The following CDK19 variants were observed in gnomAD, a reference collection of about 807,000 sequenced individuals.
CDK19 encodes the protein cyclin-dependent kinase 19.
Under a neutral mutation model 68.3 loss-of-function variants are expected in CDK19, and 20 were observed. The ratio of observed to expected loss-of-function variants is 0.29; its 90% CI spans 0.21 to 0.43. The LOEUF is 0.43. Ranked by LOEUF, CDK19 falls within the 20% of genes least tolerant of loss-of-function variation. The pLI is 1.00. For synonymous variants in CDK19, 221 were observed against 222.8 expected, an observed-to-expected ratio of 0.99 and a Z score of 0.07; for missense variants, 339 against 623.5, an observed-to-expected ratio of 0.54 and a Z score of 4.86.
chr6:110,615,052 G>A (rs12664582), intron 12 of CDK19, among the ~76,000 whole-genome samples: 16,342 of 152,186 alleles, frequency 0.11, 1,155 homozygotes, highest in East Asian at 0.31. Flanking sequence ...TATTCATAAT[G>A]TATACTGACA....
intron 1 of CDK19, among the ~76,000 whole-genome samples, chr6:110,759,557 C>T (rs987494250): frequency 1.0e-4 from 15 of 149,754 alleles, no homozygotes; most frequent in Non-Finnish European, 1.6e-4. Context: ...GAGCTATGAT[C>T]GCACCATTGC....
chr6:110,626,883 T>G (rs567320760), intron 7 of CDK19, 38 bp from the exon 8 acceptor site: 2 of 1,402,614 alleles, frequency 1.4e-6, no homozygotes, highest in Non-Finnish European at 2.0e-6. Context: ...GAAAATAATG[T>G]GTTAATTTAA....
intron 2 of CDK19, among the ~76,000 whole-genome samples, chr6:110,675,581 C>T (rs1771444675): frequency 1.4e-5 from 2 of 138,668 alleles, no homozygotes; most frequent in South Asian, 4.6e-4. Context: ...GAGCCAAGAT[C>T]GTGCCATTGC....
At chr6:110,694,740 C>G (rs534828295) in intron 2 of CDK19, among the ~76,000 whole-genome samples, 1 of 152,278 alleles carries the variant, frequency 6.6e-6, no homozygotes, top group South Asian at 2.1e-4. Flanking sequence ...CAAGACAGAC[C>G]ATATGATAGG....
chr6:110,621,506 C>A lies in CDK19; in HGVS notation c.1111-136G>T. ...TGGGACACTAGAGTGATGGGGAGGA[C>A]TGGAGAATGGAGCAGCCAGGGAACA... On this transcript the variant is annotated intron_variant, in intron 11 of 12. Transcript: ENST00000368911. This position sits in a 1 kb window ranked among gnomAD's most constrained non-coding sequence, Gnocchi z 5.4. The A allele has an allele frequency of 1.2e-6, 1 of 849,870 alleles. No homozygotes were observed. Among genetic ancestry groups the A allele is most frequent in the South Asian group, 1.9e-5 (1 of 53,344 alleles). The allele number at this position is 849,870 out of a possible 1,614,324, so 52.6% of individuals were successfully genotyped here. A position where few individuals can be genotyped will look rare whatever the true frequency, so the allele number is the denominator to read the frequency against.
intron 1 of CDK19, among the ~76,000 whole-genome samples, chr6:110,790,153 T>G (rs1007556237): frequency 6.6e-6 from 1 of 152,238 alleles, no homozygotes; most frequent in Non-Finnish European, 1.5e-5. Context: ...TTGAACCAGA[T>G]AAGATTCCAC....
chr6:110,751,732 G>A (rs1404781527), intron 1 of CDK19, among the ~76,000 whole-genome samples: 1 of 151,818 alleles, frequency 6.6e-6, no homozygotes, highest in Non-Finnish European at 1.5e-5. Flanking sequence ...AACCTTATGA[G>A]TCAAATTCAA....
chr6:110,797,804 G>A (rs547087103), intron 1 of CDK19, among the ~76,000 whole-genome samples: 4 of 152,196 alleles, frequency 2.6e-5, no homozygotes, highest in African/African-American at 9.6e-5. Context: ...GGCCAACATG[G>A]TGAAACCCCA....
intron 1 of CDK19, among the ~76,000 whole-genome samples, chr6:110,787,909 G>A (rs9481109): frequency 0.04 from 5,962 of 150,300 alleles, 136 homozygotes; most frequent in Middle Eastern, 0.083. Context: ...GCGTGATTTC[G>A]GCTCACTGCA....
intron 4 of CDK19, chr6:110,643,070 C>T: frequency 1.9e-6 from 1 of 520,434 alleles, no homozygotes; most frequent in Non-Finnish European, 2.9e-6. Flanking sequence ...CTTGGGCCAC[C>T]AGCAAGGTAA....
intron 1 of CDK19, among the ~76,000 whole-genome samples, chr6:110,771,679 G>C (rs990430737): frequency 6.6e-6 from 1 of 152,144 alleles, no homozygotes. Context: ...ACATTGTCAG[G>C]CTGCAAATTT....
At chr6:110,760,068 G>A (rs1183672523) in intron 1 of CDK19, among the ~76,000 whole-genome samples, 1 of 152,090 alleles carries the variant, frequency 6.6e-6, no homozygotes, top group Admixed American at 6.6e-5. Context: ...AGCTACACTT[G>A]TATGGTACTT....
intron 2 of CDK19, among the ~76,000 whole-genome samples, chr6:110,716,041 T>C (rs1330178159): frequency 8.9e-6 from 1 of 112,910 alleles, no homozygotes; most frequent in African/African-American, 2.8e-5. Flanking sequence ...ATGTTTTAAA[T>C]CCATGAGGCT....
At chr6:110,692,243 G>C (rs1012349774) in intron 2 of CDK19, among the ~76,000 whole-genome samples, 11 of 150,248 alleles carry the variant, frequency 7.3e-5, no homozygotes, top group Non-Finnish European at 1.3e-4. Flanking sequence ...GCAGTGAGCT[G>C]AGATCATGCC....
intron 1 of CDK19, among the ~76,000 whole-genome samples, chr6:110,760,122 G>A (rs947333088): frequency 1.3e-5 from 2 of 152,016 alleles, no homozygotes; most frequent in Admixed American, 6.6e-5. Context: ...TAGGCCAGGC[G>A]CGGTGCATCA....
At position 110,814,954 on chromosome 6, in the gene CDK19, G is replaced by A. The variant is rs1397520261; in HGVS notation, c.128+55C>T. 4 of 1,593,206 alleles carry A rather than the reference G, an allele frequency of 2.5e-6. No homozygotes were observed. In the African/African-American group the frequency reaches 4.2e-5, roughly 17 times the overall value. On this transcript the variant is annotated intron_variant, in intron 1 of 12. Transcript: ENST00000368911. ...GGATCCGACCCACCCATCCCGCCAG[G>A]TCGCGGGCAGGGCGAGGACCCGAGC...
At chr6:110,634,131 G>C (rs1020744640) in intron 5 of CDK19, among the ~76,000 whole-genome samples, 9 of 152,002 alleles carry the variant, frequency 5.9e-5, no homozygotes, top group African/African-American at 2.2e-4. Context: ...AATGTGCTAC[G>C]GTATAACATA....
chr6:110,790,660 T>C (rs1261151603), intron 1 of CDK19, among the ~76,000 whole-genome samples: 2 of 152,162 alleles, frequency 1.3e-5, no homozygotes, highest in African/African-American at 4.8e-5. Context: ...GTAATTATCA[T>C]GACAAATTAA....
At chr6:110,647,697 G>A (rs1343918394) in intron 4 of CDK19, among the ~76,000 whole-genome samples, 1 of 152,166 alleles carries the variant, frequency 6.6e-6, no homozygotes, top group Non-Finnish European at 1.5e-5. Context: ...TGATCTTAGA[G>A]GGGAGTTCTC....
Sources: gnomAD v4.1 joint callset for allele counts (sites outside exome capture counted in the v4.1 genomes callset) on GRCh38, gnomAD v4.1.1 for gene constraint, Gnocchi (gnomAD v3.1) non-coding constraint, MANE v1.5 for transcripts, NCBI Gene and HGNC (gene_info 2026-07-23, HGNC 2026-07-21) for gene names.